Variants in TXLNG observed in about 807,000 individuals in gnomAD.
The protein encoded by TXLNG is taxilin gamma, also known as gamma-taxilin.
Under a neutral mutation model 38.8 loss-of-function variants are expected in TXLNG, and 5 were observed. The ratio of observed to expected loss-of-function variants is 0.13; its 90% CI spans 0.07 to 0.27. TXLNG has a LOEUF of 0.27. TXLNG is among the 10% of genes least tolerant of loss of function. TXLNG has a pLI of 1.00. For synonymous variants in TXLNG, 182 were observed against 158.2 expected (o/e 1.15, Z -1.13); for missense variants, 393 against 398.2 (o/e 0.99, Z 0.11).
intron 1 of TXLNG, among the ~76,000 whole-genome samples, chrX:16,788,667 G>GTTTTTTTTT (rs10668899): frequency 2.6e-4 from 21 of 80,314 alleles, no homozygotes; most frequent in Non-Finnish European, 3.8e-4. Context: ...AACTTGTTGT[G>GTTTTTTTTT]TTTTTTTTTT....
intron 4 of TXLNG, among the ~76,000 whole-genome samples, chrX:16,828,924 C>T (rs1929274678): frequency 9.0e-6 from 1 of 111,259 alleles, no homozygotes; most frequent in South Asian, 3.8e-4. Context: ...CTCCCAAGGC[C>T]CTAGACTATA....
chrX:16,819,732 T>TG lies in TXLNG; in HGVS notation c.407-431dup, dbSNP rs1928873170. On this transcript the variant is annotated intron_variant, in intron 2 of 9. Transcript: ENST00000380122. ...TCGTAGGAAAAGATATGTTCTCCTG[T>TG]GATTATGTGTGTCTTTGGCAAAGTG... is the stretch of plus-strand genomic sequence containing the variant. Among the ~76,000 whole-genome samples, 3 of 112,123 alleles carry TG rather than the reference T, an allele frequency of 2.7e-5. No homozygotes were observed. In the South Asian group the frequency reaches 1.1e-3, roughly 41 times the overall value.
At position 16,843,791 on chromosome X, in the gene TXLNG, G is replaced by GTATTT. The variant is rs1929969949; in HGVS notation, c.*2027_*2031dup. 8.9e-6 allele frequency: 1 copy of GTATTT among 111,770 alleles called. No individual in the cohort carries two copies. Among genetic ancestry groups the GTATTT allele is most frequent in the African/African-American group, 3.3e-5 (1 of 30,702 alleles). The allele number at this position is 111,770 out of a possible 1,213,427, so 9.2% of individuals were successfully genotyped here. A position where few individuals can be genotyped will look rare whatever the true frequency, so the allele number is the denominator to read the frequency against. On this transcript the variant is annotated 3_prime_UTR_variant, in exon 10 of 10. Coordinates refer to ENST00000380122, the MANE Select transcript of TXLNG (RefSeq NM_018360.3). The stretch of plus-strand genomic sequence containing the variant: ...TGGCCTGCTGCTTTTGGCTTACTTT[G>GTATTT]TATTTTTAGCTAGATGCTATTATAG...
At chrX:16,837,398 A>G (rs999740252) in intron 7 of TXLNG, among the ~76,000 whole-genome samples, 195 bp from the exon 8 acceptor site, 6 of 111,959 alleles carry the variant, frequency 5.4e-5, no homozygotes, top group African/African-American at 1.9e-4. Context: ...AAGTCAACAG[A>G]ATGTCCTCAG....
chrX:16,786,581 C>A lies in TXLNG; in HGVS notation c.94C>A (p.Arg32=). The A allele has an allele frequency of 9.4e-7, 1 of 1,066,125 alleles. No homozygotes were observed. The highest frequency in any genetic ancestry group is 1.2e-6 in the Non-Finnish European group (1 of 829,129). The allele number at this position is 1,066,125 out of a possible 1,213,427, so 87.9% of individuals were successfully genotyped here. The part of the protein sequence containing the change: ...AGRGGRRRSP[R]QKFEIGTMEE... ...ACGGGGCGGACGGCGACGCAGCCCG[C>A]GGCAGAAGGTCAGTCAGGGGGACGC... is the stretch of plus-strand genomic sequence containing the variant. The change falls in exon 1 of 10, where the codon CGG becomes AGG. Residue 32 remains arginine, a synonymous_variant. Coordinates refer to ENST00000380122, the MANE Select transcript of TXLNG (RefSeq NM_018360.3).
intron 5 of TXLNG, among the ~76,000 whole-genome samples, chrX:16,830,172 A>C (rs1158507221): frequency 2.3e-5 from 2 of 88,527 alleles, no homozygotes; most frequent in African/African-American, 8.6e-5. Flanking sequence ...TTGTACAGTT[A>C]ATGTTTCAGA....
chrX:16,822,105 G>A lies in TXLNG; in HGVS notation c.498+1850G>A, dbSNP rs372385137. 2.8e-4 allele frequency among the ~76,000 whole-genome samples: 30 copies of A among 106,463 alleles called. No homozygotes were observed. The East Asian group carries it at 6.1e-3, about 22-fold the overall frequency. 92.5% of individuals were successfully genotyped at this position (106,463 alleles called of 115,157 possible). A position where few individuals can be genotyped will look rare whatever the true frequency, so the allele number is the denominator to read the frequency against. On this transcript the variant is annotated intron_variant, in intron 3 of 9. Coordinates refer to ENST00000380122, the MANE Select transcript of TXLNG (RefSeq NM_018360.3). ...TGTAATCCCAGCACTTTGGGAGGCCGAGGTGGGTGGATCACGAGGTCAGGA... is the reference window on the plus strand; with the variant it reads ...TGTAATCCCAGCACTTTGGGAGGCCAAGGTGGGTGGATCACGAGGTCAGGA...
chrX:16,830,118 C>T (rs1477650409), intron 5 of TXLNG, among the ~76,000 whole-genome samples: 1 of 110,712 alleles, frequency 9.0e-6, no homozygotes, highest in Non-Finnish European at 1.9e-5. Flanking sequence ...GTATCTCAGA[C>T]ATCTATGATA....
chrX:16,841,791 G>C lies in TXLNG; in HGVS notation c.*25G>C, dbSNP rs1278250518. 1 of 1,167,614 alleles carries C rather than the reference G, an allele frequency of 8.6e-7. No individual in the cohort carries two copies. The highest frequency in any genetic ancestry group is 2.5e-5 in the Admixed American group (1 of 40,398). ...AGATGAGGTGTGATCACTGTATTGA[G>C]AGATATATTTTGTGTATAACTTTCT... On this transcript the variant is annotated 3_prime_UTR_variant, in exon 10 of 10. Transcript: ENST00000380122.
At chrX:16,830,887 A>G (rs73452440) in intron 5 of TXLNG, among the ~76,000 whole-genome samples, 972 of 35,683 alleles carry the variant, frequency 0.027, 18 homozygotes, top group African/African-American at 0.12. Context: ...GTGTGTGTGT[A>G]TAGAGACAGT....
intron 1 of TXLNG, among the ~76,000 whole-genome samples, chrX:16,814,501 G>T (rs1473317144): frequency 5.4e-5 from 6 of 112,045 alleles, no homozygotes; most frequent in African/African-American, 1.9e-4. Flanking sequence ...CGTAATCCCA[G>T]CTACTTGGGA....
chrX:16,841,642 A>T lies in TXLNG; in HGVS notation c.1463A>T (p.Glu488Val). 1 of 1,211,639 alleles carries T rather than the reference A, an allele frequency of 8.3e-7. No individual in the cohort carries two copies. Among genetic ancestry groups the T allele is most frequent in the Non-Finnish European group, 1.1e-6 (1 of 895,521 alleles). Residue 488 changes from glutamate (E) to valine (V), a missense_variant, in exon 10 of 10, where the codon GAG becomes GTG. Physicochemically the swap from Glu to Val is moderately radical, Grantham distance 121 (BLOSUM62 -2). Transcript: ENST00000380122. Reference sequence around the variant, plus strand: ...TGTACTGCCCTGGATTCTCACAAGGAGCTGAACACTTCCTCGAAAAGAGCC... The same window carrying T: ...TGTACTGCCCTGGATTCTCACAAGGTGCTGAACACTTCCTCGAAAAGAGCC... ...QPCTALDSHK[E>V]LNTSSKRALG...
At chrX:16,794,633 G>A (rs747742991) in intron 1 of TXLNG, among the ~76,000 whole-genome samples, 8 of 111,688 alleles carry the variant, frequency 7.2e-5, no homozygotes, top group Non-Finnish European at 1.3e-4. Context: ...ATGTTTCAGA[G>A]GTGTATCAGG....
At position 16,786,563 on chromosome X, in the gene TXLNG, G is replaced by C; in HGVS notation, c.76G>C (p.Gly26Arg). Residue 26 changes from glycine to arginine, a missense_variant, in exon 1 of 10, where the codon GGA (glycine) becomes CGA (arginine). Transcript: ENST00000380122. The stretch of plus-strand genomic sequence containing the variant: ...AGAGGCGACTGAGGCCGGACGGGGC[G>C]GACGGCGACGCAGCCCGCGGCAGAA... The part of the protein sequence containing the change: ...AEEATEAGRG[G>R]RRRSPRQKFE... 1.2e-5 allele frequency: 13 copies of C among 1,078,642 alleles called. No homozygotes were observed. The highest frequency in any genetic ancestry group is 1.6e-5 in the Non-Finnish European group (13 of 835,678). 88.9% of individuals were successfully genotyped at this position (1,078,642 alleles called of 1,213,427 possible).
rs760377350 is a variant in TXLNG, at chrX:16,842,698, C to T, written c.*932C>T. The T allele has an allele frequency of 8.9e-6, 1 of 112,448 alleles. No homozygotes were observed. The highest frequency in any genetic ancestry group is 3.7e-4 in the South Asian group (1 of 2,728). The allele number at this position is 112,448 out of a possible 1,213,427, so 9.3% of individuals were successfully genotyped here. On this transcript the variant is annotated 3_prime_UTR_variant, in exon 10 of 10. Transcript: ENST00000380122. ...ATACCTTCTGGCTACTTGAAAGTTA[C>T]TACAAAAATTCCACCAGCAAAGTAC... is the stretch of plus-strand genomic sequence containing the variant.
intron 1 of TXLNG, among the ~76,000 whole-genome samples, chrX:16,814,468 A>T (rs1928656944): frequency 8.9e-6 from 1 of 111,762 alleles, no homozygotes; most frequent in African/African-American, 3.3e-5. Context: ...ACAAAAAATT[A>T]GCCGGGCATG....
intron 1 of TXLNG, among the ~76,000 whole-genome samples, chrX:16,801,040 G>T (rs898951886): frequency 2.7e-5 from 3 of 112,375 alleles, no homozygotes; most frequent in African/African-American, 9.7e-5. Flanking sequence ...TGTGTGGCAC[G>T]CCTGCTCCTG....
chrX:16,813,166 C>G (rs1928598526), intron 1 of TXLNG, among the ~76,000 whole-genome samples: 1 of 111,526 alleles, frequency 9.0e-6, no homozygotes, highest in South Asian at 3.7e-4. Context: ...AGAAGGTATA[C>G]AAATGGCCAA....
intron 3 of TXLNG, among the ~76,000 whole-genome samples, 186 bp downstream of exon 3, chrX:16,820,441 G>GT (rs1271530200): frequency 8.9e-6 from 1 of 111,739 alleles, no homozygotes; most frequent in Non-Finnish European, 1.9e-5. Flanking sequence ...ATTTTATGAG[G>GT]TAATATATAG....
Sources: gnomAD v4.1 joint callset for allele counts (sites outside exome capture counted in the v4.1 genomes callset) on GRCh38, gnomAD v4.1.1 for gene constraint, MANE v1.5 for transcripts, NCBI Gene and HGNC (gene_info 2026-07-23, HGNC 2026-07-21) for gene names.